LEMD1: variants seen among roughly 807,000 people sequenced by gnomAD.
The protein encoded by LEMD1 is LEM domain-containing protein 1.
A neutral mutation model predicts 17.4 loss-of-function variants in LEMD1; 18 were observed. That is an observed-to-expected ratio of 1.04 (90% CI 0.72 to 1.54). The LOEUF (loss-of-function observed/expected upper bound fraction) is 1.54. Ranked by LOEUF, LEMD1 falls within the 40% of genes most tolerant of loss-of-function variation. The pLI, the probability that LEMD1 is intolerant of heterozygous loss-of-function variation, is 0.00. For synonymous variants in LEMD1, 88 were observed against 77.8 expected, an observed-to-expected ratio of 1.13 and a Z score of -0.69; for missense variants, 195 against 210.4, an observed-to-expected ratio of 0.93 and a Z score of 0.45.
At position 205,419,997 on chromosome 1, in the gene LEMD1, G is replaced by GTAAC. The variant is rs751839600; in HGVS notation, c.82+454_82+457dup. Among the ~76,000 whole-genome samples, 8 of 152,300 alleles carry GTAAC rather than the reference G, an allele frequency of 5.3e-5. No individual in the cohort carries two copies. In the East Asian group the frequency reaches 1.5e-3, roughly 29 times the overall value. ...AAAAAATTGAACAACATAATAAAGA[G>GTAAC]TAACTGGTTTTTCACTGATGAAAAA... On this transcript the variant is annotated intron_variant, in intron 2 of 5. Transcript: ENST00000367153.
At chr1:205,435,893 G>A (rs1161702645) in intron 1 of LEMD1, 1 of 152,228 alleles carries the variant, frequency 6.6e-6, no homozygotes, top group Non-Finnish European at 1.5e-5. Flanking sequence ...GGTGACCTTA[G>A]GGGTTCCCCT....
chr1:205,411,653 G>GGAAA (rs71147742), intron 4 of LEMD1, among the ~76,000 whole-genome samples: 63,619 of 137,928 alleles, frequency 0.46, 14,764 homozygotes, highest in East Asian at 0.64. Context: ...GAGAAAGAAA[G>GGAAA]GAAAGAAAGA....
At chr1:205,402,949 T>C (rs1483289518) in intron 4 of LEMD1, among the ~76,000 whole-genome samples, 1 of 152,182 alleles carries the variant, frequency 6.6e-6, no homozygotes, top group Non-Finnish European at 1.5e-5. Context: ...TCTGCATCTA[T>C]TGAGATAATC....
At chr1:205,406,352 G>A (rs1022087190) in intron 4 of LEMD1, among the ~76,000 whole-genome samples, 4 of 152,238 alleles carry the variant, frequency 2.6e-5, no homozygotes, top group Non-Finnish European at 5.9e-5. Context: ...GCTGTGGTGG[G>A]CTCCACCCAG....
chr1:205,434,340 T>TA (rs35753110), intron 1 of LEMD1, among the ~76,000 whole-genome samples: 69,413 of 131,702 alleles, frequency 0.53, 17,807 homozygotes, highest in East Asian at 0.76. Flanking sequence ...CCTGGCTAAG[T>TA]AAAAAAAAAT....
intron 4 of LEMD1, among the ~76,000 whole-genome samples, chr1:205,413,516 T>C (rs1219076225): frequency 6.7e-6 from 1 of 149,756 alleles, no homozygotes; most frequent in Non-Finnish European, 1.5e-5. Flanking sequence ...CTCAAACTCC[T>C]GGGCTCAAGC....
At chr1:205,404,377 T>A (rs925428328) in intron 4 of LEMD1, among the ~76,000 whole-genome samples, 3 of 152,146 alleles carry the variant, frequency 2.0e-5, no homozygotes, top group Non-Finnish European at 4.4e-5. Flanking sequence ...TTTATGAATC[T>A]GGGTGCTCCT....
At position 205,381,746 on chromosome 1, in the gene LEMD1, G is replaced by A; in HGVS notation, c.458C>T (p.Pro153Leu). The stretch of plus-strand genomic sequence containing the variant: ...AAGCACAGCAAGCTTCAAGCCCACT[G>A]GGAAACCTTCTTCTCTCCAGCTCTC... ...TIESWREEGF[P>L]VGLKLAVLGI... The change falls in exon 6 of 6, where the codon CCA becomes CTA. Residue 153 changes from proline (P) to leucine (L), a missense_variant. Physicochemically the swap from Pro to Leu is moderately conservative, Grantham distance 98 (BLOSUM62 -3). Coordinates refer to ENST00000367153, the MANE Select transcript of LEMD1 (RefSeq NM_001199050.2). 2 of 1,614,144 alleles carry A rather than the reference G, an allele frequency of 1.2e-6. No individual in the cohort carries two copies. The highest frequency in any genetic ancestry group is 8.5e-7 in the Non-Finnish European group (1 of 1,180,008).
rs1012804345 is a variant in LEMD1, at chr1:205,384,283, A to G, written c.347+5T>C. On this transcript the variant is annotated splice_donor_5th_base_variant and intron_variant, in intron 5 of 5. Transcript: ENST00000367153. ...ATTTCCACATATGCTAAAAAACATC[A>G]TTACCTTCTTCCCTTGGAAGGCTTA... 10 of 1,476,872 alleles carry G rather than the reference A, an allele frequency of 6.8e-6. No homozygotes were observed. Among genetic ancestry groups the G allele is most frequent in the Admixed American group, 5.4e-5 (2 of 37,184 alleles). The allele number at this position is 1,476,872 out of a possible 1,614,324, so 91.5% of individuals were successfully genotyped here. A position where few individuals can be genotyped will look rare whatever the true frequency, so the allele number is the denominator to read the frequency against.
chr1:205,416,546 G>C (rs1665705966), intron 3 of LEMD1, among the ~76,000 whole-genome samples: 1 of 152,170 alleles, frequency 6.6e-6, no homozygotes, highest in Admixed American at 6.5e-5. Flanking sequence ...AAATACACAA[G>C]CTGGCTGCCC....
intron 4 of LEMD1, among the ~76,000 whole-genome samples, chr1:205,400,721 T>C (rs1664802074): frequency 6.6e-6 from 1 of 152,142 alleles, no homozygotes; most frequent in South Asian, 2.1e-4. Context: ...TATTATACTT[T>C]AAGTTCTAGG....
chr1:205,398,484 A>G (rs994806398), intron 4 of LEMD1, among the ~76,000 whole-genome samples: 1 of 152,238 alleles, frequency 6.6e-6, no homozygotes, highest in African/African-American at 2.4e-5. Flanking sequence ...TTAAAATCCC[A>G]TTAAAGTTTT....
rs188548548 is a variant in LEMD1 at position 205,406,588 on chromosome 1, G to A, written c.270+9644C>T. 2.2e-3 allele frequency among the ~76,000 whole-genome samples: 339 copies of A among 152,302 alleles called. 2 individuals carry two copies. The highest frequency in any genetic ancestry group is 7.8e-3 in the African/African-American group (326 of 41,570). The stretch of plus-strand genomic sequence containing the variant: ...CGCAGTATTCGAGTGGGAGTGGCCC[G>A]ATTTTCCAGGTGCCATCTGTCACCC... On this transcript the variant is annotated intron_variant, in intron 4 of 5. Transcript: ENST00000367153.
chr1:205,410,003 T>TGACC (rs1665311953), intron 4 of LEMD1, among the ~76,000 whole-genome samples: 1 of 152,140 alleles, frequency 6.6e-6, no homozygotes, highest in Non-Finnish European at 1.5e-5. Flanking sequence ...CTTGAACTCC[T>TGACC]GACCTCAGGT....
At position 205,441,962 on chromosome 1, in the gene LEMD1, C is replaced by T. The variant is rs2102466131; in HGVS notation, c.-39+7906G>A. Among the ~76,000 whole-genome samples, 1 of 152,322 alleles carries T rather than the reference C, an allele frequency of 6.6e-6. No homozygotes were observed. Among genetic ancestry groups the T allele is most frequent in the East Asian group, 1.9e-4 (1 of 5,168 alleles). ...AAGAGAGGGAGCTTCAGGAGCTCAG[C>T]TTCAGTCTGCAAGAGTATCCCTTTC... On this transcript the variant is annotated intron_variant, in intron 1 of 3. Coordinates refer to the LEMD1 transcript ENST00000367154. This position sits in a 1 kb window ranked among gnomAD's most constrained non-coding sequence, Gnocchi z 4.3.
chr1:205,390,787 C>A (rs1664295321), intron 4 of LEMD1, among the ~76,000 whole-genome samples: 1 of 152,098 alleles, frequency 6.6e-6, no homozygotes. Flanking sequence ...ATGAGCATAT[C>A]CTTTACTAAG....
chr1:205,416,184 G>C, intron 4 of LEMD1, 48 bp downstream of exon 4: 2 of 1,264,088 alleles, frequency 1.6e-6, no homozygotes, highest in Non-Finnish European at 2.2e-6. Flanking sequence ...GCTACTCCCT[G>C]TTTTTAATAT....
intron 4 of LEMD1, among the ~76,000 whole-genome samples, chr1:205,393,599 C>T (rs996271101): frequency 6.6e-6 from 1 of 151,810 alleles, no homozygotes; most frequent in Non-Finnish European, 1.5e-5. Context: ...TCCCTTGAAC[C>T]CAAGAGGCAG....
chr1:205,442,540 A>G (rs1666312557), intron 1 of LEMD1, among the ~76,000 whole-genome samples: 1 of 152,200 alleles, frequency 6.6e-6, no homozygotes, highest in Non-Finnish European at 1.5e-5. Flanking sequence ...AAGTCCTGTC[A>G]AGATTCTCCC....
Sources: gnomAD v4.1 joint callset for allele counts (sites outside exome capture counted in the v4.1 genomes callset) on GRCh38, gnomAD v4.1.1 for gene constraint, Gnocchi (gnomAD v3.1) non-coding constraint, MANE v1.5 for transcripts, NCBI Gene and HGNC (gene_info 2026-07-23, HGNC 2026-07-21) for gene names.